DPYD: variants seen among roughly 807,000 people sequenced by gnomAD.
The protein encoded by DPYD is dihydropyrimidine dehydrogenase.
DPYD carries 109 observed loss-of-function variants against 116.2 expected under a neutral mutation model. The ratio of observed to expected loss-of-function variants is 0.94; its 90% CI spans 0.80 to 1.10. The LOEUF is 1.10. Ranked by LOEUF, DPYD falls within the 50% of genes least tolerant of loss-of-function variation. The pLI, the probability that DPYD is intolerant of heterozygous loss-of-function variation, is 0.00. For synonymous variants in DPYD, 440 were observed against 432.0 expected (o/e 1.02, Z -0.23); for missense variants, 1,302 against 1,254.5 (o/e 1.04, Z -0.57).
intron 18 of DPYD, among the ~76,000 whole-genome samples, chr1:97,271,312 G>A (rs1394413263): frequency 6.6e-6 from 1 of 152,198 alleles, no homozygotes; most frequent in Non-Finnish European, 1.5e-5. Context: ...ATGTAGTGTA[G>A]AGAATGGACA....
chr1:97,638,121 A>T (rs576720201), intron 8 of DPYD, among the ~76,000 whole-genome samples: 1 of 152,144 alleles, frequency 6.6e-6, no homozygotes, highest in East Asian at 1.9e-4. Flanking sequence ...GTTGAGACCA[A>T]GGAAGAGAAC....
chr1:97,290,455 C>T (rs1195097190), intron 18 of DPYD, among the ~76,000 whole-genome samples: 5 of 152,060 alleles, frequency 3.3e-5, no homozygotes, highest in African/African-American at 1.2e-4. Flanking sequence ...GCTACAGTAA[C>T]CAAAACAGCA....
chr1:97,089,827 GTTTTTTTTT>G (rs112112819), intron 21 of DPYD, among the ~76,000 whole-genome samples: 9 of 126,608 alleles, frequency 7.1e-5, no homozygotes, highest in African/African-American at 2.3e-4. Context: ...CATTTTGTTT[GTTTTTTTTT>G]TTTTTTTTTT....
chr1:97,702,432 T>C (rs1014525087), intron 5 of DPYD, among the ~76,000 whole-genome samples: 11 of 151,850 alleles, frequency 7.2e-5, no homozygotes, highest in Non-Finnish European at 1.3e-4. Flanking sequence ...GTTGAATAAT[T>C]TTAGCTTTGT....
intron 13 of DPYD, among the ~76,000 whole-genome samples, chr1:97,466,786 C>G (rs1010438863): frequency 6.6e-6 from 1 of 152,264 alleles, no homozygotes; most frequent in South Asian, 2.1e-4. Flanking sequence ...AGTACTAAAC[C>G]TACCTGCCTA....
At chr1:97,560,965 G>A (rs1257694896) in intron 11 of DPYD, among the ~76,000 whole-genome samples, 4 of 152,138 alleles carry the variant, frequency 2.6e-5, no homozygotes, top group Non-Finnish European at 2.9e-5. Flanking sequence ...GTTATAGCAC[G>A]TGAGGAGTAG....
intron 2 of DPYD, 44 bp downstream of exon 2, chr1:97,883,220 G>A (rs773497032): frequency 4.5e-6 from 6 of 1,321,416 alleles, no homozygotes; most frequent in Non-Finnish European, 5.5e-6. Context: ...AATGTGTGGA[G>A]TGAGGTAATT....
chr1:97,137,655 G>A (rs1557886090), intron 20 of DPYD, among the ~76,000 whole-genome samples: 2 of 152,164 alleles, frequency 1.3e-5, no homozygotes, highest in Non-Finnish European at 1.5e-5. Flanking sequence ...TGGTTTGAGA[G>A]CACTGTCTTT....
intron 16 of DPYD, among the ~76,000 whole-genome samples, chr1:97,311,345 T>G (rs2101058337): frequency 6.6e-6 from 1 of 151,826 alleles, no homozygotes. Flanking sequence ...ACATACTTCG[T>G]TCAACATAGC....
chr1:97,674,963 T>C (rs915869489), intron 8 of DPYD, among the ~76,000 whole-genome samples: 32 of 152,340 alleles, frequency 2.1e-4, no homozygotes, highest in Middle Eastern at 6.8e-3. Context: ...TTGTATAGCA[T>C]TGGCTATCAA....
intron 19 of DPYD, among the ~76,000 whole-genome samples, chr1:97,204,593 T>C (rs1407393492): frequency 1.3e-5 from 2 of 152,076 alleles, no homozygotes; most frequent in Non-Finnish European, 2.9e-5. Flanking sequence ...ACTGTGACAC[T>C]TGAGAGTAAA....
chr1:97,389,084 C>T (rs1416047972), intron 14 of DPYD, among the ~76,000 whole-genome samples: 1 of 151,744 alleles, frequency 6.6e-6, no homozygotes, highest in Non-Finnish European at 1.5e-5. Flanking sequence ...AGGTCTCTTA[C>T]TGAGAGTAAA....
chr1:97,547,744 G>A (rs901844560), intron 12 of DPYD, among the ~76,000 whole-genome samples: 7 of 151,902 alleles, frequency 4.6e-5, no homozygotes, highest in African/African-American at 1.7e-4. Context: ...GCAGTGGTGT[G>A]ATCATAGCTC....
At chr1:97,152,498 C>A (rs1352130608) in intron 20 of DPYD, among the ~76,000 whole-genome samples, 2 of 150,886 alleles carry the variant, frequency 1.3e-5, no homozygotes, top group Non-Finnish European at 3.0e-5. Context: ...AATATATACA[C>A]AAATACATGC....
intron 20 of DPYD, among the ~76,000 whole-genome samples, chr1:97,121,369 C>T (rs1652417191): frequency 1.3e-5 from 2 of 152,118 alleles, no homozygotes; most frequent in Admixed American, 1.3e-4. Flanking sequence ...GACTTTTTCC[C>T]CTCTTGGCAC....
chr1:97,398,527 C>A (rs1042931060), intron 14 of DPYD, among the ~76,000 whole-genome samples: 11 of 149,874 alleles, frequency 7.3e-5, no homozygotes, highest in Non-Finnish European at 1.3e-4. Context: ...ACCACACTGA[C>A]TTCACAATGG....
chr1:97,184,694 G>T (rs1030446466), intron 20 of DPYD, among the ~76,000 whole-genome samples: 6 of 151,878 alleles, frequency 4.0e-5, no homozygotes, highest in Non-Finnish European at 8.8e-5. Context: ...TGTTCCAATT[G>T]TTCATGTAGA....
chr1:97,629,778 T>G (rs1259223498), intron 8 of DPYD, among the ~76,000 whole-genome samples: 2 of 152,066 alleles, frequency 1.3e-5, no homozygotes, highest in African/African-American at 4.8e-5. Flanking sequence ...ATTTTAGAAA[T>G]TAGGATTTAG....
intron 19 of DPYD, among the ~76,000 whole-genome samples, chr1:97,230,765 A>G (rs1661538811): frequency 6.6e-6 from 1 of 152,170 alleles, no homozygotes; most frequent in African/African-American, 2.4e-5. Context: ...AGTTCAGAGG[A>G]GGCAAGAGTA....
Sources: gnomAD v4.1 joint callset for allele counts (sites outside exome capture counted in the v4.1 genomes callset) on GRCh38, gnomAD v4.1.1 for gene constraint, MANE v1.5 for transcripts, NCBI Gene and HGNC (gene_info 2026-07-23, HGNC 2026-07-21) for gene names.